The following MATN2 variants were observed in gnomAD, a reference collection of about 807,000 sequenced individuals.
MATN2 encodes the protein matrilin 2.
In MATN2, 69 loss-of-function variants were observed where a neutral mutation model predicts 103.2. The observed-to-expected ratio is 0.67, with a 90% CI of 0.55 to 0.82. MATN2 has a LOEUF of 0.82. Ranked by LOEUF, MATN2 falls within the 40% of genes least tolerant of loss-of-function variation. The probability of loss-of-function intolerance (pLI) is 0.00; values close to 1 mark genes in which losing one functional copy is unlikely to be tolerated. For synonymous variants in MATN2, 429 were observed against 450.2 expected, an observed-to-expected ratio of 0.95 and a Z score of 0.60; for missense variants, 1,023 against 1,211.5, an observed-to-expected ratio of 0.84 and a Z score of 2.31.
Position 97,986,229 on chromosome 8 carries a change from AACGTTTT to A in MATN2, c.1081+7224_1081+7230del, listed in dbSNP as rs1812188644. On this transcript the variant is annotated intron_variant, in intron 6 of 18. Coordinates refer to ENST00000254898, the MANE Select transcript of MATN2 (RefSeq NM_002380.5). ...TACATATTCAAAATTATTTTCTAAA[AACGTTTT>A]ACCGATTTATACTCTACCATCAGTG... Among the ~76,000 whole-genome samples, 5 of 152,332 alleles carry A rather than the reference AACGTTTT, an allele frequency of 3.3e-5. No individual in the cohort carries two copies. In the South Asian group the frequency reaches 1.0e-3, roughly 32 times the overall value.
chr8:98,034,734 T>G (rs576274575), intron 18 of MATN2, among the ~76,000 whole-genome samples: 4 of 152,168 alleles, frequency 2.6e-5, no homozygotes, highest in Admixed American at 2.6e-4. Context: ...CGTGGCCTTA[T>G]GTAGCATCAT....
intron 4 of MATN2, among the ~76,000 whole-genome samples, chr8:97,956,657 C>T (rs1281254442): frequency 6.6e-6 from 1 of 152,156 alleles, no homozygotes. Flanking sequence ...GCTGCTTCTG[C>T]CCCAGCCCTC....
intron 2 of MATN2, among the ~76,000 whole-genome samples, chr8:97,918,500 T>G (rs1230735177): frequency 6.6e-6 from 1 of 152,200 alleles, no homozygotes; most frequent in Non-Finnish European, 1.5e-5. Flanking sequence ...CACTGCACAT[T>G]AAGTTACTCA....
At chr8:97,871,006 TG>T (rs1817877934) in intron 1 of MATN2, among the ~76,000 whole-genome samples, 1 of 152,214 alleles carries the variant, frequency 6.6e-6, no homozygotes, top group African/African-American at 2.4e-5. Flanking sequence ...ATCGGGGCTC[TG>T]GGGTTTCTTG....
intron 5 of MATN2, among the ~76,000 whole-genome samples, chr8:97,961,892 T>G (rs890962110): frequency 2.6e-5 from 4 of 152,204 alleles, no homozygotes; most frequent in Admixed American, 2.0e-4. Context: ...TGAAATTTAC[T>G]TGGGTGGGTT....
chr8:98,010,730 G>A (rs1813132090), intron 10 of MATN2, among the ~76,000 whole-genome samples: 1 of 152,170 alleles, frequency 6.6e-6, no homozygotes, highest in South Asian at 2.1e-4. Context: ...AGGAGTCCAA[G>A]GGCTGTCCTA....
intron 1 of MATN2, among the ~76,000 whole-genome samples, chr8:97,886,027 C>A (rs1818414138): frequency 6.6e-6 from 1 of 152,160 alleles, no homozygotes; most frequent in African/African-American, 2.4e-5. Flanking sequence ...ATCACCAGCA[C>A]CGTTAGATCC....
At chr8:97,987,204 C>T (rs1464808288) in intron 6 of MATN2, among the ~76,000 whole-genome samples, 1 of 152,072 alleles carries the variant, frequency 6.6e-6, no homozygotes, top group African/African-American at 2.4e-5. Context: ...GTTTACATTC[C>T]CACCAGCAGT....
intron 2 of MATN2, among the ~76,000 whole-genome samples, chr8:97,914,969 C>T (rs575964598): frequency 6.6e-6 from 1 of 152,268 alleles, no homozygotes; most frequent in South Asian, 2.1e-4. Flanking sequence ...TCTAGTCACT[C>T]GTCCTTTTTT....
chr8:98,009,843 A>T (rs752927919), intron 10 of MATN2, among the ~76,000 whole-genome samples: 1 of 152,144 alleles, frequency 6.6e-6, no homozygotes, highest in Non-Finnish European at 1.5e-5. Context: ...GCATCCCAGC[A>T]CCAAGAAAGA....
In MATN2 at chr8:97,963,988, C is replaced by T. The variant is rs151259710; in HGVS notation, c.958+2458C>T. On this transcript the variant is annotated intron_variant, in intron 5 of 18. Transcript: ENST00000254898. Reference sequence around the variant, plus strand: ...AGAGAAAATATTGGCCACGGAAGGTCAGAGAGAGACATCCTAATGGCTAGG... The same window carrying T: ...AGAGAAAATATTGGCCACGGAAGGTTAGAGAGAGACATCCTAATGGCTAGG... Among the ~76,000 whole-genome samples the T allele has an allele frequency of 2.8e-4, 43 of 152,142 alleles. No homozygotes were observed. In the East Asian group the frequency reaches 6.2e-3, roughly 22 times the overall value.
intron 2 of MATN2, among the ~76,000 whole-genome samples, chr8:97,913,171 C>T (rs1451537018): frequency 6.6e-6 from 1 of 152,090 alleles, no homozygotes; most frequent in Non-Finnish European, 1.5e-5. Context: ...ATTGGGGTTC[C>T]CCAATTCTTA....
chr8:97,982,555 T>G lies in MATN2; in HGVS notation c.1081+3547T>G, dbSNP rs908343728. ...AATACAATTAGTAAGTGTGCAACTA[T>G]TATCTCAAAAAGGTAGACTAGTCAA... On this transcript the variant is annotated intron_variant, in intron 6 of 18. Transcript: ENST00000254898. This position sits in a 1 kb window ranked among gnomAD's most constrained non-coding sequence, Gnocchi z 4.3. Among the ~76,000 whole-genome samples the G allele has an allele frequency of 3.3e-5, 5 of 152,228 alleles. No individual in the cohort carries two copies. Among genetic ancestry groups the G allele is most frequent in the African/African-American group, 1.2e-4 (5 of 41,470 alleles).
chr8:97,966,529 G>A (rs1811484895), intron 5 of MATN2, among the ~76,000 whole-genome samples: 1 of 151,144 alleles, frequency 6.6e-6, no homozygotes, highest in African/African-American at 2.4e-5. Context: ...TAGTGCCGCT[G>A]CACTCTAGCC....
chr8:97,908,249 C>T (rs965515511), intron 2 of MATN2, among the ~76,000 whole-genome samples: 2 of 151,576 alleles, frequency 1.3e-5, no homozygotes, highest in South Asian at 2.1e-4. Flanking sequence ...AAGAGTGAAA[C>T]TCTATCTCAA....
At chr8:97,997,182 C>T (rs1812613699) in intron 7 of MATN2, among the ~76,000 whole-genome samples, 2 of 152,212 alleles carry the variant, frequency 1.3e-5, no homozygotes. Context: ...CTGTGCTGGG[C>T]TCCAGGATCC....
chr8:97,972,741 C>A (rs1811706154), intron 5 of MATN2, among the ~76,000 whole-genome samples: 1 of 152,172 alleles, frequency 6.6e-6, no homozygotes, highest in Non-Finnish European at 1.5e-5. Flanking sequence ...ACATGTTGGG[C>A]AGAGAATGAA....
At chr8:97,924,427 G>T (rs932194764) in intron 2 of MATN2, among the ~76,000 whole-genome samples, 2 of 152,018 alleles carry the variant, frequency 1.3e-5, no homozygotes, top group African/African-American at 4.8e-5. Context: ...CCATCTGCTC[G>T]TGGGAACTTT....
chr8:98,009,981 C>T (rs895533814), intron 10 of MATN2, among the ~76,000 whole-genome samples: 1 of 152,202 alleles, frequency 6.6e-6, no homozygotes, highest in Non-Finnish European at 1.5e-5. Flanking sequence ...CTTTTTGCCC[C>T]ACGGCCCCTG....
Sources: allele counts gnomAD v4.1 joint callset (sites outside exome capture counted in the v4.1 genomes callset), GRCh38; gene constraint gnomAD v4.1.1; non-coding constraint Gnocchi (gnomAD v3.1); transcripts MANE v1.5; gene names NCBI Gene and HGNC (gene_info 2026-07-23, HGNC 2026-07-21).